Variants in CYP7B1 observed in about 807,000 individuals in gnomAD.
The protein encoded by CYP7B1 is cytochrome P450 family 7 subfamily B member 1.
In CYP7B1, 29 loss-of-function variants were observed where a neutral mutation model predicts 42.7. The observed-to-expected ratio is 0.68, with a 90% CI of 0.51 to 0.93. The LOEUF is 0.93. CYP7B1 is among the 40% of genes least tolerant of loss of function. The pLI is 0.00. For missense variants in CYP7B1, 655 were observed against 600.5 expected, an observed-to-expected ratio of 1.09 and a Z score of -0.95; for synonymous variants, 235 against 218.2, an observed-to-expected ratio of 1.08 and a Z score of -0.68.
At chr8:64,629,351 T>C (rs1301853233) in intron 1 of CYP7B1, among the ~76,000 whole-genome samples, 1 of 152,068 alleles carries the variant, frequency 6.6e-6, no homozygotes, top group Non-Finnish European at 1.5e-5. Context: ...TGCAATAACC[T>C]CCTAAGTAGG....
At chr8:64,695,530 T>C (rs1170775889) in intron 1 of CYP7B1, among the ~76,000 whole-genome samples, 2 of 151,904 alleles carry the variant, frequency 1.3e-5, no homozygotes, top group Non-Finnish European at 2.9e-5. Context: ...TAAGGAAGCA[T>C]TGTAAGTTTT....
At chr8:64,658,970 A>C (rs1704198036) in intron 1 of CYP7B1, among the ~76,000 whole-genome samples, 1 of 152,226 alleles carries the variant, frequency 6.6e-6, no homozygotes, top group Non-Finnish European at 1.5e-5. Context: ...TGCAGGAACT[A>C]ATCTGAGAGA....
At chr8:64,769,982 C>A (rs1319680023) in intron 1 of CYP7B1, among the ~76,000 whole-genome samples, 1 of 152,176 alleles carries the variant, frequency 6.6e-6, no homozygotes, top group East Asian at 1.9e-4. Context: ...AAGTTCTTAC[C>A]ATCCTTCTTT....
At chr8:64,599,587 T>A (rs1341391562) in intron 5 of CYP7B1, among the ~76,000 whole-genome samples, 1 of 152,174 alleles carries the variant, frequency 6.6e-6, no homozygotes, top group Non-Finnish European at 1.5e-5. Flanking sequence ...CAAGAGAAGG[T>A]ATAAGACACG....
rs1404644693 is a variant in CYP7B1 at position 64,686,439 on chromosome 8, G to A, written c.123-61900C>T. On this transcript the variant is annotated intron_variant, in intron 1 of 5. Transcript: ENST00000310193. ...AGCCCCCCGCCTGGCCAGCCGCCCC[G>A]TCCGGGAGGGAGGTTGGGGGGTCAG... 1.3e-4 allele frequency among the ~76,000 whole-genome samples: 5 copies of A among 38,934 alleles called. 2 individuals carry two copies. The highest frequency in any genetic ancestry group is 5.6e-4 in the South Asian group (1 of 1,778). 25.5% of individuals were successfully genotyped at this position (38,934 alleles called of 152,430 possible).
At chr8:64,703,269 G>A (rs1003753608) in intron 1 of CYP7B1, among the ~76,000 whole-genome samples, 1 of 151,814 alleles carries the variant, frequency 6.6e-6, no homozygotes, top group Non-Finnish European at 1.5e-5. Flanking sequence ...CTATTCAAAA[G>A]GAGAAAAATA....
intron 1 of CYP7B1, among the ~76,000 whole-genome samples, chr8:64,762,956 G>A (rs963735707): frequency 6.6e-6 from 1 of 152,114 alleles, no homozygotes; most frequent in Non-Finnish European, 1.5e-5. Context: ...GTTATTTATG[G>A]GCAACCCCCT....
intron 1 of CYP7B1, among the ~76,000 whole-genome samples, chr8:64,722,723 A>T (rs62521111): frequency 0.24 from 20,764 of 84,836 alleles, 4,451 homozygotes; most frequent in African/African-American, 0.57. Context: ...ACTTAAAGGG[A>T]GTAGAATGAT....
intron 1 of CYP7B1, among the ~76,000 whole-genome samples, chr8:64,763,965 T>A (rs1353318259): frequency 1.3e-5 from 2 of 152,178 alleles, no homozygotes; most frequent in African/African-American, 4.8e-5. Flanking sequence ...TGGTTCAGAC[T>A]TTCATTTCCT....
At chr8:64,735,167 T>G (rs561271380) in intron 1 of CYP7B1, among the ~76,000 whole-genome samples, 3 of 152,302 alleles carry the variant, frequency 2.0e-5, no homozygotes, top group African/African-American at 7.2e-5. Context: ...TCCCTCAATA[T>G]CTATATATTT....
intron 2 of CYP7B1, among the ~76,000 whole-genome samples, chr8:64,619,074 T>C (rs1805491089): frequency 6.6e-6 from 1 of 152,208 alleles, no homozygotes; most frequent in Non-Finnish European, 1.5e-5. Flanking sequence ...CAACTTTTAA[T>C]CTTCAGTATA....
At chr8:64,615,553 T>C (rs1805425790) in intron 3 of CYP7B1, 138 bp downstream of exon 3, 1 of 830,882 alleles carries the variant, frequency 1.2e-6, no homozygotes, top group Non-Finnish European at 1.9e-6. Context: ...TAGAGGGTTA[T>C]ATCAGAGTAA....
chr8:64,666,619 T>C (rs777665309), intron 1 of CYP7B1, among the ~76,000 whole-genome samples: 13 of 152,166 alleles, frequency 8.5e-5, no homozygotes, highest in Non-Finnish European at 1.8e-4. Flanking sequence ...GCAGGACAAA[T>C]GACACTAACT....
intron 1 of CYP7B1, among the ~76,000 whole-genome samples, chr8:64,785,782 A>G (rs930496226): frequency 6.6e-6 from 1 of 152,122 alleles, no homozygotes; most frequent in Non-Finnish European, 1.5e-5. Flanking sequence ...CTGTAACTGT[A>G]TTAGTTCATT....
intron 1 of CYP7B1, among the ~76,000 whole-genome samples, chr8:64,753,876 G>C (rs929334117): frequency 1.3e-5 from 2 of 152,166 alleles, no homozygotes; most frequent in Non-Finnish European, 2.9e-5. Context: ...AGAGGAAGGG[G>C]GCATAGCAGA....
chr8:64,624,326 A>G lies in CYP7B1; in HGVS notation c.259+77T>C. The G allele has an allele frequency of 2.0e-5, 27 of 1,369,936 alleles. 1 individual carries two copies. In the South Asian group the frequency reaches 3.4e-4, roughly 17 times the overall value. 84.9% of individuals were successfully genotyped at this position (1,369,936 alleles called of 1,614,324 possible). A position where few individuals can be genotyped will look rare whatever the true frequency, so the allele number is the denominator to read the frequency against. ...TATACAAATATTCTACATTTTGCCT[A>G]GAGAAAAACAGAAAGACATTAAAGA... On this transcript the variant is annotated intron_variant, in intron 2 of 5. Coordinates refer to ENST00000310193, the MANE Select transcript of CYP7B1 (RefSeq NM_004820.5).
intron 1 of CYP7B1, among the ~76,000 whole-genome samples, chr8:64,670,754 T>C (rs1389741324): frequency 1.3e-5 from 2 of 152,222 alleles, no homozygotes; most frequent in African/African-American, 4.8e-5. Flanking sequence ...TTTTAGTTAC[T>C]GTCACACAAT....
intron 1 of CYP7B1, among the ~76,000 whole-genome samples, chr8:64,665,691 C>T (rs1312456181): frequency 1.3e-5 from 2 of 150,890 alleles, no homozygotes; most frequent in African/African-American, 4.9e-5. Context: ...ATTCTCCCGC[C>T]TCAGCCTCTT....
intron 1 of CYP7B1, among the ~76,000 whole-genome samples, chr8:64,771,184 C>A (rs1479440094): frequency 6.6e-6 from 1 of 150,446 alleles, no homozygotes; most frequent in African/African-American, 2.5e-5. Flanking sequence ...CCTCAGCCTC[C>A]CAAGTAGCTG....
Sources: allele counts gnomAD v4.1 joint callset (sites outside exome capture counted in the v4.1 genomes callset), GRCh38; gene constraint gnomAD v4.1.1; transcripts MANE v1.5; gene names NCBI Gene and HGNC (gene_info 2026-07-23, HGNC 2026-07-21).